The following VAPB variants were observed in gnomAD, a reference collection of about 807,000 sequenced individuals.
The protein encoded by VAPB is VAMP associated protein B and C.
VAPB carries 7 observed loss-of-function variants against 25.6 expected under a neutral mutation model. The observed-to-expected ratio is 0.27, with a 90% CI of 0.16 to 0.51. The LOEUF (loss-of-function observed/expected upper bound fraction) is 0.51. Among genes scored for constraint, VAPB ranks in the 20% least tolerant of loss-of-function variants. The pLI, the probability that VAPB is intolerant of heterozygous loss-of-function variation, is 0.97. For missense variants in VAPB, 266 were observed against 301.3 expected (o/e 0.88, Z 0.87); for synonymous variants, 112 against 109.2 (o/e 1.03, Z -0.16).
intron 1 of VAPB, among the ~76,000 whole-genome samples, chr20:58,410,151 A>T (rs1378271045): frequency 6.6e-6 from 1 of 152,132 alleles, no homozygotes; most frequent in Non-Finnish European, 1.5e-5. Context: ...CATGCATCAT[A>T]ACCCCCTCCA....
At chr20:58,406,980 G>A (rs1056298564) in intron 1 of VAPB, among the ~76,000 whole-genome samples, 3 of 152,158 alleles carry the variant, frequency 2.0e-5, no homozygotes, top group Admixed American at 1.3e-4. Flanking sequence ...CTAGATGTTC[G>A]TTAGTCAATG....
At chr20:58,396,628 T>C (rs1277663958) in intron 1 of VAPB, among the ~76,000 whole-genome samples, 2 of 152,188 alleles carry the variant, frequency 1.3e-5, no homozygotes, top group Non-Finnish European at 2.9e-5. Context: ...GGAGTGGTCA[T>C]ATGTGTGAGT....
chr20:58,437,049 A>AAC (rs1989065591), intron 3 of VAPB, among the ~76,000 whole-genome samples: 1 of 124,220 alleles, frequency 8.1e-6, no homozygotes, highest in Non-Finnish European at 1.6e-5. Context: ...ACCAAGGCTG[A>AAC]AGTGCAGTGG....
chr20:58,394,256 A>G (rs1388421052), intron 1 of VAPB, among the ~76,000 whole-genome samples: 3 of 152,214 alleles, frequency 2.0e-5, no homozygotes, highest in African/African-American at 4.8e-5. Context: ...TGTTTTTTGT[A>G]TGGGAAAAGT....
At chr20:58,412,990 A>G (rs985392543) in intron 1 of VAPB, among the ~76,000 whole-genome samples, 1 of 152,182 alleles carries the variant, frequency 6.6e-6, no homozygotes, top group Non-Finnish European at 1.5e-5. Flanking sequence ...TGACCTCTTC[A>G]TGTTGTGCTG....
At chr20:58,438,854 G>A (rs201847663) in intron 3 of VAPB, 91 bp from the exon 4 acceptor site, 2 of 1,071,688 alleles carry the variant, frequency 1.9e-6, no homozygotes, top group Non-Finnish European at 2.8e-6. Context: ...TTCTCATTAA[G>A]AGTATTTTTC....
At position 58,451,067 on chromosome 20, in the gene VAPB, T is replaced by A. The variant is rs1327490630; in HGVS notation, c.*6832T>A. On this transcript the variant is annotated 3_prime_UTR_variant, in exon 6 of 6. Transcript: ENST00000475243. ...TTTTGTACTAGCTGTCTCCATATTATGTTCAATAAATTCTGTGCTCTGAAT... is the reference window on the plus strand; with the variant it reads ...TTTTGTACTAGCTGTCTCCATATTAAGTTCAATAAATTCTGTGCTCTGAAT... 2.4e-6 allele frequency: 1 copy of A among 420,496 alleles called. No individual in the cohort carries two copies. Among genetic ancestry groups the A allele is most frequent in the African/African-American group, 2.1e-5 (1 of 48,190 alleles). 26.0% of individuals were successfully genotyped at this position (420,496 alleles called of 1,614,324 possible). A position where few individuals can be genotyped will look rare whatever the true frequency, so the allele number is the denominator to read the frequency against.
intron 1 of VAPB, among the ~76,000 whole-genome samples, chr20:58,396,736 A>C (rs1436064043): frequency 6.6e-6 from 1 of 152,258 alleles, no homozygotes; most frequent in Non-Finnish European, 1.5e-5. Flanking sequence ...AAAGGTAAAG[A>C]AGGAACAAAC....
chr20:58,430,279 G>A (rs547578712), intron 2 of VAPB, among the ~76,000 whole-genome samples: 5 of 145,920 alleles, frequency 3.4e-5, no homozygotes, highest in African/African-American at 5.1e-5. Flanking sequence ...AGTCTCTGTC[G>A]CTCAGGCTGT....
At chr20:58,406,910 T>G (rs1030066847) in intron 1 of VAPB, among the ~76,000 whole-genome samples, 1 of 152,172 alleles carries the variant, frequency 6.6e-6, no homozygotes, top group Non-Finnish European at 1.5e-5. Flanking sequence ...GCTTATCTTT[T>G]TGTTTATTTT....
At position 58,448,503 on chromosome 20, in the gene VAPB, G is replaced by T. The variant is rs1397957157; in HGVS notation, c.*4268G>T. 2.2e-6 allele frequency: 1 copy of T among 454,032 alleles called. No homozygotes were observed. Among genetic ancestry groups the T allele is most frequent in the Non-Finnish European group, 4.4e-6 (1 of 226,766 alleles). 28.1% of individuals were successfully genotyped at this position (454,032 alleles called of 1,614,324 possible). A position where few individuals can be genotyped will look rare whatever the true frequency, so the allele number is the denominator to read the frequency against. Reference sequence around the variant, plus strand: ...GTAGATGGCTCTGTTTGCATACGAAGAAATAAAGGCTCCAGGAGGTTAAAT... The same window carrying T: ...GTAGATGGCTCTGTTTGCATACGAATAAATAAAGGCTCCAGGAGGTTAAAT... On this transcript the variant is annotated 3_prime_UTR_variant, in exon 6 of 6. Coordinates refer to ENST00000475243, the MANE Select transcript of VAPB (RefSeq NM_004738.5).
intron 1 of VAPB, among the ~76,000 whole-genome samples, chr20:58,417,164 G>C (rs976508846): frequency 6.6e-6 from 1 of 152,182 alleles, no homozygotes; most frequent in East Asian, 1.9e-4. Flanking sequence ...ATTTGAAAAG[G>C]TGTTGAAAAA....
At chr20:58,399,310 AAAG>A (rs948340215) in intron 1 of VAPB, among the ~76,000 whole-genome samples, 10 of 151,978 alleles carry the variant, frequency 6.6e-5, no homozygotes, top group African/African-American at 1.4e-4. Flanking sequence ...CAAAAAAAAA[AAAG>A]AGAGAAAAAG....
intron 4 of VAPB, 60 bp downstream of exon 4, chr20:58,439,085 C>T: frequency 6.8e-7 from 1 of 1,464,376 alleles, no homozygotes; most frequent in East Asian, 2.3e-5. Flanking sequence ...ATTTGCATAC[C>T]ATTTCCTGCA....
intron 1 of VAPB, among the ~76,000 whole-genome samples, chr20:58,413,895 C>G (rs1272418904): frequency 1.7e-5 from 2 of 117,304 alleles, no homozygotes; most frequent in East Asian, 5.6e-4. Context: ...CCAGTAGGGG[C>G]GGCCGGGCAG....
rs1454412815 is a variant in VAPB, at chr20:58,446,920, T to A, written c.*2685T>A. 3 of 453,874 alleles carry A rather than the reference T, an allele frequency of 6.6e-6. No homozygotes were observed. The highest frequency in any genetic ancestry group is 1.3e-5 in the Non-Finnish European group (3 of 226,782). 28.1% of individuals were successfully genotyped at this position (453,874 alleles called of 1,614,324 possible). A position where few individuals can be genotyped will look rare whatever the true frequency, so the allele number is the denominator to read the frequency against. The stretch of plus-strand genomic sequence containing the variant: ...TAGAATTACATAATGAAAAAAAGAA[T>A]AAGGCAAAGAGGAGGTGAATATGGG... On this transcript the variant is annotated 3_prime_UTR_variant, in exon 6 of 6. Coordinates refer to ENST00000475243, the MANE Select transcript of VAPB (RefSeq NM_004738.5).
rs141891687 is a variant in VAPB at position 58,416,198 on chromosome 20, T to C, written c.59-2013T>C. 5.2e-3 allele frequency among the ~76,000 whole-genome samples: 797 copies of C among 152,326 alleles called. 7 individuals are homozygous for C. Among genetic ancestry groups the C allele is most frequent in the African/African-American group, 0.018 (747 of 41,578 alleles). On this transcript the variant is annotated intron_variant, in intron 1 of 5. Coordinates refer to ENST00000475243, the MANE Select transcript of VAPB (RefSeq NM_004738.5). ...AAATATTGCTTGTCTTTTAATAGTT[T>C]AGACTTCCTTTTATGTGGTTTATAT...
intron 5 of VAPB, among the ~76,000 whole-genome samples, chr20:58,442,032 T>G (rs571388489): frequency 2.6e-5 from 4 of 152,268 alleles, no homozygotes; most frequent in South Asian, 2.1e-4. Flanking sequence ...AGGGGGTGCT[T>G]CTTTTGGCTT....
chr20:58,414,473 C>T (rs1460929292), intron 1 of VAPB, among the ~76,000 whole-genome samples: 6 of 149,796 alleles, frequency 4.0e-5, no homozygotes, highest in African/African-American at 1.2e-4. Context: ...TCAGACGGGG[C>T]GGTTGCCGGG....
Sources: gnomAD v4.1 joint callset for allele counts (sites outside exome capture counted in the v4.1 genomes callset) on GRCh38, gnomAD v4.1.1 for gene constraint, MANE v1.5 for transcripts, NCBI Gene and HGNC (gene_info 2026-07-23, HGNC 2026-07-21) for gene names.